The following STK32C variants were observed in gnomAD, a reference collection of about 807,000 sequenced individuals.
The protein encoded by STK32C is serine/threonine-protein kinase 32C.
A neutral mutation model predicts 56.5 loss-of-function variants in STK32C; 31 were observed. The observed-to-expected ratio is 0.55, with a 90% CI of 0.41 to 0.74. The LOEUF is 0.74. Among genes scored for constraint, STK32C ranks in the 30% least tolerant of loss-of-function variants. The probability of loss-of-function intolerance (pLI) is 0.00; values close to 1 mark genes in which losing one functional copy is unlikely to be tolerated. For missense variants in STK32C, 544 were observed against 676.9 expected, an observed-to-expected ratio of 0.80 and a Z score of 2.18; for synonymous variants, 309 against 289.4, an observed-to-expected ratio of 1.07 and a Z score of -0.69.
At chr10:132,278,650 G>A (rs1014526321) in intron 1 of STK32C, among the ~76,000 whole-genome samples, 1 of 151,570 alleles carries the variant, frequency 6.6e-6, no homozygotes, top group Non-Finnish European at 1.5e-5. Context: ...ACTCCCAGCT[G>A]CTCAGGAGGC....
At chr10:132,212,206 C>T (rs1262320174) in intron 10 of STK32C, among the ~76,000 whole-genome samples, 1 of 152,172 alleles carries the variant, frequency 6.6e-6, no homozygotes, top group Non-Finnish European at 1.5e-5. Flanking sequence ...AAGCTTGCTA[C>T]AAAGCTACAG....
At chr10:132,226,615 C>T (rs977824279) in intron 4 of STK32C, among the ~76,000 whole-genome samples, 180 bp downstream of exon 4, 1 of 152,222 alleles carries the variant, frequency 6.6e-6, no homozygotes, top group Non-Finnish European at 1.5e-5. Flanking sequence ...AGGCACACAG[C>T]TATGGGGCTG....
chr10:132,309,515 A>T (rs2066180234), upstream of STK32C, among the ~76,000 whole-genome samples: 1 of 152,196 alleles, frequency 6.6e-6, no homozygotes, highest in South Asian at 2.1e-4. Flanking sequence ...CCTGGCTAGC[A>T]CAAACGCATC....
chr10:132,279,707 C>CGACACTCCACTCTGTGATCAT (rs2065098258), intron 1 of STK32C, among the ~76,000 whole-genome samples: 1 of 146,948 alleles, frequency 6.8e-6, no homozygotes, highest in Non-Finnish European at 1.5e-5. Flanking sequence ...TCCGTGATCA[C>CGACACTCCACTCTGTGATCAT]GACACTCCAC....
Position 132,225,590 on chromosome 10 carries a change from T to G in STK32C, c.709A>C (p.Ile237Leu). The part of the protein sequence containing the change: ...RGHAHLTDFN[I>L]ATIIKDGERA... ...TCCCCGTCCTTGATGATGGTGGCAA[T>G]GTTGAAGTCGGTCAGGTGTGCATGT... is the stretch of plus-strand genomic sequence containing the variant. The change falls in exon 6 of 12, where the codon ATT becomes CTT. Residue 237 changes from isoleucine (I) to leucine (L), a missense_variant. Coordinates refer to ENST00000298630, the MANE Select transcript of STK32C (RefSeq NM_173575.4). 6.2e-7 allele frequency: 1 copy of G among 1,613,714 alleles called. No individual in the cohort carries two copies. The highest frequency in any genetic ancestry group is 8.5e-7 in the Non-Finnish European group (1 of 1,179,824).
In STK32C at chr10:132,239,256, C is replaced by T. The variant is rs574387888; in HGVS notation, c.318+6644G>A. 1.4e-4 allele frequency among the ~76,000 whole-genome samples: 21 copies of T among 152,238 alleles called. 1 individual carries two copies. Among genetic ancestry groups the T allele is most frequent in the Admixed American group, 8.5e-4 (13 of 15,302 alleles). ...CCTGTCCTGGGGCCCTCGGTCCAGC[C>T]GGCAGATTCCTTTGGTCCCCACAGG... On this transcript the variant is annotated intron_variant, in intron 2 of 11. Coordinates refer to ENST00000298630, the MANE Select transcript of STK32C (RefSeq NM_173575.4).
At chr10:132,262,887 A>G (rs1296967421) in intron 1 of STK32C, among the ~76,000 whole-genome samples, 1 of 152,244 alleles carries the variant, frequency 6.6e-6, no homozygotes, top group African/African-American at 2.4e-5. Flanking sequence ...CAAAGCCACA[A>G]TGAGACACCA....
exon 1 of STK32C, chr10:132,331,721 A>T (rs1371933160): frequency 1.2e-6 from 2 of 1,612,272 alleles, no homozygotes; most frequent in Admixed American, 3.3e-5. Flanking sequence ...CCGGCTCCCC[A>T]GACGGCACTT....
intron 1 of STK32C, among the ~76,000 whole-genome samples, chr10:132,252,794 A>AT (rs1248869498): frequency 2.6e-5 from 4 of 152,290 alleles, no homozygotes; most frequent in Admixed American, 2.6e-4. Flanking sequence ...GAAGGCTTTT[A>AT]TTTTTTTGGT....
At chr10:132,227,116 C>T (rs1422934710) in intron 3 of STK32C, 148 bp from the exon 4 acceptor site, 2 of 881,198 alleles carry the variant, frequency 2.3e-6, no homozygotes, top group Admixed American at 4.4e-5. Flanking sequence ...CTGCCCAAGG[C>T]ACTGATTGCA....
At chr10:132,330,430 C>G (rs2066633484) in intron 1 of STK32C, 1 of 717,296 alleles carries the variant, frequency 1.4e-6, no homozygotes, top group Non-Finnish European at 2.6e-6. Flanking sequence ...CTTGCTCTGC[C>G]CGGGTGGCTG....
rs554938169 is a variant in STK32C, at chr10:132,265,166, C to T, written c.263-19211G>A. ...GTGGGCTCTGGGGGAGCTGCCAGGGCGGCGAGGTGGCTCTGGGGGAGCCGC... is the reference window on the plus strand; with the variant it reads ...GTGGGCTCTGGGGGAGCTGCCAGGGTGGCGAGGTGGCTCTGGGGGAGCCGC... On this transcript the variant is annotated intron_variant, in intron 1 of 11. Transcript: ENST00000298630. Among the ~76,000 whole-genome samples the T allele has an allele frequency of 1.9e-3, 232 of 121,390 alleles. 3 individuals carry two copies. Among genetic ancestry groups the T allele is most frequent in the African/African-American group, 6.6e-3 (216 of 32,840 alleles). The allele number at this position is 121,390 out of a possible 152,430, so 79.6% of individuals were successfully genotyped here. A position where few individuals can be genotyped will look rare whatever the true frequency, so the allele number is the denominator to read the frequency against.
Position 132,301,884 on chromosome 10 carries a change from C to T in STK32C, c.262+5688G>A, listed in dbSNP as rs561438046. ...CCCATCGGGAGCCCGGGCCAAGGGA[C>T]CAGCACCCCGTGGGTTTCCTGCCCT... On this transcript the variant is annotated intron_variant, in intron 1 of 11. Transcript: ENST00000298630. Among the ~76,000 whole-genome samples, 959 of 152,344 alleles carry T rather than the reference C, an allele frequency of 6.3e-3. 5 individuals are homozygous for T. Among genetic ancestry groups the T allele is most frequent in the Non-Finnish European group, 0.011 (723 of 68,036 alleles).
rs1055601534 is a variant in STK32C at position 132,224,605 on chromosome 10, C to G, written c.877-82G>C. ...CAATGCCAGACACAGGTGCCATCGCCCTGAGAGGACCCCCTCCCCCCACCC... is the reference window on the plus strand; with the variant it reads ...CAATGCCAGACACAGGTGCCATCGCGCTGAGAGGACCCCCTCCCCCCACCC... On this transcript the variant is annotated intron_variant, in intron 7 of 11. Transcript: ENST00000298630. The G allele has an allele frequency of 2.2e-5, 22 of 1,007,826 alleles. No individual in the cohort carries two copies. In the Admixed American group the frequency reaches 4.0e-4, roughly 18 times the overall value. 62.4% of individuals were successfully genotyped at this position (1,007,826 alleles called of 1,614,324 possible).
intron 2 of STK32C, among the ~76,000 whole-genome samples, chr10:132,234,563 C>T (rs2063209796): frequency 6.6e-6 from 1 of 152,246 alleles, no homozygotes; most frequent in Non-Finnish European, 1.5e-5. Context: ...GGGTTTCACC[C>T]TCCACACCCT....
intron 2 of STK32C, among the ~76,000 whole-genome samples, chr10:132,243,389 G>A (rs530642365): frequency 6.6e-6 from 1 of 152,160 alleles, no homozygotes; most frequent in Admixed American, 6.5e-5. Context: ...GGGGCGAGGC[G>A]GGGGTGGAGA....
At chr10:132,225,670 C>A (rs187244260) in intron 5 of STK32C, 54 bp from the exon 6 acceptor site, 9 of 1,608,476 alleles carry the variant, frequency 5.6e-6, no homozygotes, top group African/African-American at 2.7e-5. Flanking sequence ...TGCATCCTTG[C>A]GTGCAGGATC....
At chr10:132,314,171 T>G (rs1248666007) in intron 1 of STK32C, among the ~76,000 whole-genome samples, 1 of 152,226 alleles carries the variant, frequency 6.6e-6, no homozygotes, top group East Asian at 1.9e-4. Flanking sequence ...GAGGGGCAAA[T>G]CAATTTCATG....
At chr10:132,262,980 G>A (rs538132759) in intron 1 of STK32C, among the ~76,000 whole-genome samples, 6 of 152,248 alleles carry the variant, frequency 3.9e-5, no homozygotes, top group African/African-American at 1.2e-4. Flanking sequence ...GAGAACAAAC[G>A]CTTATACACT....
Sources: gnomAD v4.1 joint callset for allele counts (sites outside exome capture counted in the v4.1 genomes callset) on GRCh38, gnomAD v4.1.1 for gene constraint, MANE v1.5 for transcripts, NCBI Gene and HGNC (gene_info 2026-07-23, HGNC 2026-07-21) for gene names.